The following WWOX variants were observed in gnomAD, a reference collection of about 807,000 sequenced individuals.
The protein encoded by WWOX is WW domain-containing oxidoreductase.
In WWOX, 69 loss-of-function variants were observed where a neutral mutation model predicts 46.2. The ratio of observed to expected loss-of-function variants is 1.49; its 90% CI spans 1.23 to 1.82. The LOEUF (loss-of-function observed/expected upper bound fraction) is 1.82. WWOX is among the 40% of genes most tolerant of loss of function. The probability of loss-of-function intolerance (pLI) is 0.00; values close to 1 mark genes in which losing one functional copy is unlikely to be tolerated. For synonymous variants in WWOX, 359 were observed against 202.6 expected, an observed-to-expected ratio of 1.77 and a Z score of -6.56; for missense variants, 919 against 542.6, an observed-to-expected ratio of 1.69 and a Z score of -6.89.
intron 8 of WWOX, among the ~76,000 whole-genome samples, chr16:79,156,991 G>A (rs2150742871): frequency 6.6e-6 from 1 of 152,312 alleles, no homozygotes; most frequent in Non-Finnish European, 1.5e-5. Context: ...CTGAAGAACT[G>A]GCCCTTGTTG....
intron 8 of WWOX, among the ~76,000 whole-genome samples, chr16:79,009,475 T>G (rs1005216278): frequency 6.9e-6 from 1 of 143,908 alleles, no homozygotes; most frequent in Non-Finnish European, 1.5e-5. Context: ...TCAAATTTTC[T>G]TTTTTTTTTT....
chr16:78,738,557 A>G (rs1287474240), intron 8 of WWOX, among the ~76,000 whole-genome samples: 1 of 152,222 alleles, frequency 6.6e-6, no homozygotes, highest in African/African-American at 2.4e-5. Flanking sequence ...CACTTTTATT[A>G]GAAGAGTGCA....
chr16:78,378,468 A>G (rs1215153448), intron 5 of WWOX, among the ~76,000 whole-genome samples: 1 of 152,168 alleles, frequency 6.6e-6, no homozygotes, highest in Non-Finnish European at 1.5e-5. Context: ...AGATGCGATC[A>G]CCCATTGCCA....
At chr16:78,279,247 T>A (rs935633381) in intron 5 of WWOX, among the ~76,000 whole-genome samples, 3 of 152,130 alleles carry the variant, frequency 2.0e-5, no homozygotes, top group Non-Finnish European at 4.4e-5. Flanking sequence ...AAGGGCTATT[T>A]AAGAGTCTTG....
intron 8 of WWOX, among the ~76,000 whole-genome samples, chr16:78,444,831 A>G (rs528807270): frequency 5.3e-5 from 8 of 152,246 alleles, no homozygotes; most frequent in South Asian, 4.2e-4. Context: ...CACCCGGCCT[A>G]TGAGGAGCAG....
intron 8 of WWOX, among the ~76,000 whole-genome samples, chr16:79,061,648 G>A (rs898648045): frequency 1.3e-5 from 2 of 152,168 alleles, no homozygotes; most frequent in African/African-American, 4.8e-5. Context: ...TTGGTTCAGG[G>A]GCAAAGAATG....
chr16:79,201,952 C>T (rs1026230775), intron 8 of WWOX, among the ~76,000 whole-genome samples: 2 of 152,178 alleles, frequency 1.3e-5, no homozygotes, highest in Admixed American at 1.3e-4. Context: ...ATCAAACACA[C>T]AAGTTAAAAA....
chr16:79,024,105 G>A (rs1232318143), intron 8 of WWOX, among the ~76,000 whole-genome samples: 1 of 152,196 alleles, frequency 6.6e-6, no homozygotes, highest in Non-Finnish European at 1.5e-5. Flanking sequence ...TGGGAAAGAG[G>A]GGACTAGAGA....
chr16:78,469,909 T>C (rs554834348), intron 8 of WWOX, among the ~76,000 whole-genome samples: 1 of 152,252 alleles, frequency 6.6e-6, no homozygotes, highest in Non-Finnish European at 1.5e-5. Context: ...GCCAATAAGA[T>C]GTAACTGAAA....
chr16:78,871,650 A>C (rs1012891328), intron 8 of WWOX, among the ~76,000 whole-genome samples: 1 of 152,226 alleles, frequency 6.6e-6, no homozygotes, highest in African/African-American at 2.4e-5. Context: ...CTCAGGCTGG[A>C]GTGCAGTAGT....
chr16:78,637,431 A>G (rs1488002756), intron 8 of WWOX, among the ~76,000 whole-genome samples: 1 of 147,128 alleles, frequency 6.8e-6, no homozygotes, highest in Non-Finnish European at 1.5e-5. Context: ...ACAAGAGTGA[A>G]ACTCTGTCTC....
At chr16:78,768,594 A>G (rs1258134522) in intron 8 of WWOX, among the ~76,000 whole-genome samples, 2 of 90,034 alleles carry the variant, frequency 2.2e-5, no homozygotes, top group African/African-American at 8.0e-5. Flanking sequence ...CATCTCGAGG[A>G]AAAAAAAAAA....
At chr16:78,938,461 G>C (rs567536306) in intron 8 of WWOX, among the ~76,000 whole-genome samples, 3 of 151,810 alleles carry the variant, frequency 2.0e-5, no homozygotes, top group East Asian at 3.9e-4. Flanking sequence ...CAAAGGCAAG[G>C]GCTCTGTTTC....
At chr16:78,884,893 G>C (rs1338788719) in intron 8 of WWOX, among the ~76,000 whole-genome samples, 2 of 152,208 alleles carry the variant, frequency 1.3e-5, no homozygotes, top group East Asian at 1.9e-4. Context: ...ATAATATAAA[G>C]CACAATCAAT....
chr16:79,191,200 C>A (rs541881610), intron 8 of WWOX, among the ~76,000 whole-genome samples: 3 of 151,910 alleles, frequency 2.0e-5, no homozygotes, highest in East Asian at 3.9e-4. Context: ...ACTACAGGCA[C>A]CTGCCACCAC....
chr16:78,858,128 T>C (rs1166902772), intron 8 of WWOX, among the ~76,000 whole-genome samples: 5 of 136,972 alleles, frequency 3.7e-5, no homozygotes, highest in Non-Finnish European at 6.3e-5. Context: ...TACCTCTATA[T>C]ACATACATTG....
intron 8 of WWOX, chr16:79,203,236 C>G (rs977516712): frequency 2.6e-5 from 4 of 152,176 alleles, no homozygotes; most frequent in Admixed American, 2.0e-4. Context: ...ATAAATGAGA[C>G]ACTCTCCACA....
At chr16:78,255,915 G>T (rs1353208524) in intron 5 of WWOX, among the ~76,000 whole-genome samples, 1 of 152,056 alleles carries the variant, frequency 6.6e-6, no homozygotes, top group African/African-American at 2.4e-5. Flanking sequence ...ACTTTGAGAG[G>T]CTGAGGTAGG....
rs551278007 is a variant in WWOX, at chr16:78,396,572, C to T, written c.605+9624C>T. 1.3e-4 allele frequency among the ~76,000 whole-genome samples: 20 copies of T among 152,296 alleles called. No individual in the cohort carries two copies. The South Asian group carries it at 3.5e-3, about 27-fold the overall frequency. ...ACCCCAGGGTTGTCTTTTCCCACTC[C>T]TCACAATCCCACCAGTGCACATGCA... On this transcript the variant is annotated intron_variant, in intron 6 of 8. Coordinates refer to ENST00000566780, the MANE Select transcript of WWOX (RefSeq NM_016373.4).
Sources: gnomAD v4.1 joint callset for allele counts (sites outside exome capture counted in the v4.1 genomes callset) on GRCh38, gnomAD v4.1.1 for gene constraint, MANE v1.5 for transcripts, NCBI Gene and HGNC (gene_info 2026-07-23, HGNC 2026-07-21) for gene names.